Variants in LIPC observed in about 807,000 individuals in gnomAD.
LIPC encodes hepatic triacylglycerol lipase.
A neutral mutation model predicts 50.7 loss-of-function variants in LIPC; 44 were observed. That is an observed-to-expected ratio of 0.87 (90% CI 0.68 to 1.11). LIPC has a LOEUF of 1.11. Ranked by LOEUF, LIPC falls within the 50% of genes most tolerant of loss-of-function variation. The pLI, the probability that LIPC is intolerant of heterozygous loss-of-function variation, is 0.00. For synonymous variants in LIPC, 271 were observed against 256.4 expected (o/e 1.06, Z -0.54); for missense variants, 697 against 648.2 (o/e 1.08, Z -0.82).
chr15:58,514,076 T>C (rs1892413788), intron 1 of LIPC, among the ~76,000 whole-genome samples: 1 of 151,802 alleles, frequency 6.6e-6, no homozygotes, highest in South Asian at 2.1e-4. Flanking sequence ...GACAACAGAG[T>C]GGTACAGTAA....
In LIPC at chr15:58,543,857, G is replaced by C. The variant is rs1004718773; in HGVS notation, c.574+1206G>C. Among the ~76,000 whole-genome samples, 4 of 152,178 alleles carry C rather than the reference G, an allele frequency of 2.6e-5. No individual in the cohort carries two copies. The East Asian group carries it at 7.7e-4, about 29-fold the overall frequency. On this transcript the variant is annotated intron_variant, in intron 4 of 8. Coordinates refer to ENST00000299022, the MANE Select transcript of LIPC (RefSeq NM_000236.3). ...GGCTGGTCTCGAACTCCCAACCTCA[G>C]GTGATCCACCATCTCGGCCTCCCAA...
At chr15:58,538,613 G>T in intron 2 of LIPC, 96 bp downstream of exon 2, 6 of 1,182,554 alleles carry the variant, frequency 5.1e-6, no homozygotes, top group Non-Finnish European at 7.6e-6. Context: ...GGGAGCTGGT[G>T]ATAACAACTC....
chr15:58,545,775 G>T lies in LIPC; in HGVS notation c.608G>T (p.Ser203Ile). 1 of 1,614,204 alleles carries T rather than the reference G, an allele frequency of 6.2e-7. No individual in the cohort carries two copies. Among genetic ancestry groups the T allele is most frequent in the Non-Finnish European group, 8.5e-7 (1 of 1,180,038 alleles). ...GCCGCGGGACCTTTGTTTGAGGGAAGTGCCCCCAGCAATCGTCTTTCTCCA... is the reference window on the plus strand; with the variant it reads ...GCCGCGGGACCTTTGTTTGAGGGAATTGCCCCCAGCAATCGTCTTTCTCCA... The part of the protein sequence containing the change: ...LDAAGPLFEG[S>I]APSNRLSPDD... The change falls in exon 5 of 9, where the codon AGT becomes ATT. Residue 203 changes from serine (S) to isoleucine (I), a missense_variant. By Grantham distance (142) the Ser-to-Ile change is moderately radical. Transcript: ENST00000299022.
chr15:58,569,756 G>C lies in LIPC; in HGVS notation c.*929G>C, dbSNP rs561312247. On this transcript the variant is annotated 3_prime_UTR_variant, in exon 9 of 9. Transcript: ENST00000299022. Reference sequence around the variant, plus strand: ...CAAACCAGGAAGTTGACCCTCACCTGGAAGTAGACTACCAGATCTGCTGGC... The same window carrying C: ...CAAACCAGGAAGTTGACCCTCACCTCGAAGTAGACTACCAGATCTGCTGGC... 1 of 154,788 alleles carries C rather than the reference G, an allele frequency of 6.5e-6. No homozygotes were observed. Among genetic ancestry groups the C allele is most frequent in the Admixed American group, 6.5e-5 (1 of 15,308 alleles). 9.6% of individuals were successfully genotyped at this position (154,788 alleles called of 1,614,324 possible). A position where few individuals can be genotyped will look rare whatever the true frequency, so the allele number is the denominator to read the frequency against.
At chr15:58,550,825 CTTTTTTTTTTTTTTTT>C (rs55943459) in intron 6 of LIPC, among the ~76,000 whole-genome samples, 2 of 45,118 alleles carry the variant, frequency 4.4e-5, no homozygotes, top group African/African-American at 9.5e-5. Context: ...TTCTTTCTTA[CTTTTTTTTTTTTTTTT>C]TTTTTTTTTT....
intron 1 of LIPC, among the ~76,000 whole-genome samples, chr15:58,506,622 A>G (rs1270970837): frequency 6.6e-6 from 1 of 152,180 alleles, no homozygotes; most frequent in Non-Finnish European, 1.5e-5. Context: ...TCTACATGAT[A>G]CAGACTGCTG....
chr15:58,524,912 A>T (rs1269748889), intron 1 of LIPC, among the ~76,000 whole-genome samples: 2 of 151,934 alleles, frequency 1.3e-5, no homozygotes, highest in African/African-American at 4.8e-5. Flanking sequence ...GTCATACAGA[A>T]GTTTTTTGTT....
rs74016903 is a variant in LIPC, at chr15:58,556,471, C to T, written c.1052-4393C>T. On this transcript the variant is annotated intron_variant, in intron 6 of 8. Transcript: ENST00000299022. ...TTCCAATTAGAATACACGTTTACTG[C>T]AGAAAATGTGAAACTTGCAGAAGAA... 4.6e-3 allele frequency among the ~76,000 whole-genome samples: 701 copies of T among 152,234 alleles called. 5 individuals carry two copies. Among genetic ancestry groups the T allele is most frequent in the African/African-American group, 0.016 (667 of 41,540 alleles).
At chr15:58,551,114 G>C (rs1187292816) in intron 6 of LIPC, among the ~76,000 whole-genome samples, 2 of 152,114 alleles carry the variant, frequency 1.3e-5, no homozygotes, top group Non-Finnish European at 2.9e-5. Flanking sequence ...TGGAATTACA[G>C]GTGTGAGCTA....
intron 8 of LIPC, among the ~76,000 whole-genome samples, chr15:58,564,529 A>G (rs1485946351): frequency 6.6e-6 from 1 of 151,126 alleles, no homozygotes; most frequent in African/African-American, 2.4e-5. Context: ...GGAGTTCAAG[A>G]CCAGCCTGGC....
In LIPC at chr15:58,563,498, A is replaced by G; in HGVS notation, c.1170-7A>G. ...TGATTGTGTCTGATTTTCTTTGTGT[A>G]TTCAAGGGGCAAAGGAATTGCTAGT... On this transcript the variant is annotated splice_polypyrimidine_tract_variant and splice_region_variant and intron_variant, in intron 7 of 8. Transcript: ENST00000299022. 5 of 1,611,068 alleles carry G rather than the reference A, an allele frequency of 3.1e-6. No individual in the cohort carries two copies. The highest frequency in any genetic ancestry group is 3.4e-6 in the Non-Finnish European group (4 of 1,177,438).
chr15:58,516,339 T>C (rs1892489897), intron 1 of LIPC, among the ~76,000 whole-genome samples: 1 of 151,206 alleles, frequency 6.6e-6, no homozygotes, highest in African/African-American at 2.4e-5. Flanking sequence ...TTTGAGATCA[T>C]TGATCATCTT....
At chr15:58,486,601 C>A (rs1292675817) in intron 1 of LIPC, among the ~76,000 whole-genome samples, 4 of 152,054 alleles carry the variant, frequency 2.6e-5, no homozygotes, top group Non-Finnish European at 5.9e-5. Flanking sequence ...ACGTACGAGC[C>A]CAGACTCAGC....
intron 1 of LIPC, among the ~76,000 whole-genome samples, chr15:58,514,692 T>C (rs985266751): frequency 1.8e-4 from 28 of 152,082 alleles, no homozygotes; most frequent in Non-Finnish European, 4.4e-5. Context: ...GGCATGGTGG[T>C]GCACACCTGT....
chr15:58,559,301 G>A (rs773261413), intron 6 of LIPC, among the ~76,000 whole-genome samples: 24 of 152,214 alleles, frequency 1.6e-4, no homozygotes, highest in East Asian at 5.8e-4. Context: ...ATTGTGATAC[G>A]TCACCCCCAA....
chr15:58,507,210 A>G (rs1374795236), intron 1 of LIPC, among the ~76,000 whole-genome samples: 1 of 152,216 alleles, frequency 6.6e-6, no homozygotes, highest in Non-Finnish European at 1.5e-5. Context: ...ATTGGTTTTC[A>G]CAATAGCTAA....
chr15:58,451,135 A>G (rs1219124410), intron 1 of LIPC, among the ~76,000 whole-genome samples: 2 of 152,194 alleles, frequency 1.3e-5, no homozygotes, highest in Non-Finnish European at 2.9e-5. Context: ...GGAGGCATGT[A>G]TCCCCAGAGC....
intron 1 of LIPC, among the ~76,000 whole-genome samples, chr15:58,438,431 C>A (rs1376707899): frequency 6.6e-6 from 1 of 152,058 alleles, no homozygotes; most frequent in African/African-American, 2.4e-5. Context: ...TCGAGTGGGG[C>A]GCTCTCAGCT....
intron 1 of LIPC, among the ~76,000 whole-genome samples, chr15:58,525,247 T>C (rs1892766750): frequency 6.6e-6 from 1 of 152,250 alleles, no homozygotes; most frequent in South Asian, 2.1e-4. Flanking sequence ...GTCACTTCTA[T>C]CAAATACTGA....
Sources: gnomAD v4.1 joint callset for allele counts (sites outside exome capture counted in the v4.1 genomes callset) on GRCh38, gnomAD v4.1.1 for gene constraint, MANE v1.5 for transcripts, NCBI Gene and HGNC (gene_info 2026-07-23, HGNC 2026-07-21) for gene names.